Variants in ERC2 observed in about 807,000 individuals in gnomAD.
ERC2 encodes the protein ERC protein 2.
Under a neutral mutation model 114.8 loss-of-function variants are expected in ERC2, and 42 were observed. That is an observed-to-expected ratio of 0.37 (90% CI 0.29 to 0.47). The LOEUF is 0.47. ERC2 is among the 20% of genes least tolerant of loss of function. The pLI, the probability that ERC2 is intolerant of heterozygous loss-of-function variation, is 0.99. For synonymous variants in ERC2, 454 were observed against 425.5 expected (o/e 1.07, Z -0.82); for missense variants, 939 against 1,150.7 (o/e 0.82, Z 2.66).
intron 14 of ERC2, among the ~76,000 whole-genome samples, chr3:55,788,875 C>G (rs1337726852): frequency 6.6e-6 from 1 of 152,218 alleles, no homozygotes; most frequent in Non-Finnish European, 1.5e-5. Flanking sequence ...AGTGCTCATA[C>G]ATGTGTAACC....
intron 17 of ERC2, among the ~76,000 whole-genome samples, chr3:55,579,817 A>C (rs1409956258): frequency 6.6e-6 from 1 of 152,232 alleles, no homozygotes; most frequent in Non-Finnish European, 1.5e-5. Flanking sequence ...TTTGCGTTGA[A>C]GAGCCACAGG....
intron 13 of ERC2, among the ~76,000 whole-genome samples, chr3:55,911,688 T>C (rs1196477074): frequency 3.9e-5 from 6 of 152,230 alleles, no homozygotes; most frequent in African/African-American, 1.2e-4. Context: ...GGTTCTCATA[T>C]GTTAGAGGGA....
chr3:56,378,838 G>A (rs1216778977), intron 2 of ERC2, among the ~76,000 whole-genome samples: 5 of 152,168 alleles, frequency 3.3e-5, no homozygotes, highest in Admixed American at 2.6e-4. Flanking sequence ...GAGGCACTGT[G>A]ATTTGGCAGA....
intron 1 of ERC2, among the ~76,000 whole-genome samples, chr3:56,462,093 C>A (rs1315479067): frequency 6.6e-6 from 1 of 152,110 alleles, no homozygotes; most frequent in Non-Finnish European, 1.5e-5. Flanking sequence ...GGAGCCAGAC[C>A]CAGACCAAAG....
intron 2 of ERC2, among the ~76,000 whole-genome samples, chr3:56,414,234 G>T (rs1449125444): frequency 6.6e-6 from 1 of 152,114 alleles, no homozygotes; most frequent in Non-Finnish European, 1.5e-5. Flanking sequence ...CTTTCCTTTT[G>T]TTCCACTCGA....
At chr3:55,941,470 G>C (rs2066792013) in intron 13 of ERC2, among the ~76,000 whole-genome samples, 2 of 152,104 alleles carry the variant, frequency 1.3e-5, no homozygotes, top group Non-Finnish European at 2.9e-5. Flanking sequence ...CAACTGATAG[G>C]GACTGCTACG....
At chr3:56,287,027 G>T (rs1028679448) in intron 3 of ERC2, among the ~76,000 whole-genome samples, 17 of 152,096 alleles carry the variant, frequency 1.1e-4, no homozygotes, top group African/African-American at 4.1e-4. Context: ...TGCCTTTTTA[G>T]CGCTCTATCC....
intron 14 of ERC2, among the ~76,000 whole-genome samples, chr3:55,835,828 T>C (rs552200189): frequency 3.9e-4 from 60 of 152,076 alleles, no homozygotes; most frequent in Middle Eastern, 3.4e-3. Flanking sequence ...TGTTTGCAGA[T>C]GACATGATTG....
At chr3:55,940,421 A>T (rs2066715076) in intron 13 of ERC2, among the ~76,000 whole-genome samples, 1 of 152,082 alleles carries the variant, frequency 6.6e-6, no homozygotes, top group Non-Finnish European at 1.5e-5. Context: ...CCTGAGGTCC[A>T]AAAGGCCTTC....
In ERC2 at chr3:56,209,846, T is replaced by A. The variant is rs560297410; in HGVS notation, c.1075-36326A>T. Among the ~76,000 whole-genome samples the A allele has an allele frequency of 7.9e-5, 12 of 152,250 alleles. No individual in the cohort carries two copies. The East Asian group carries it at 2.3e-3, about 29-fold the overall frequency. ...GACCATGAAAAATACAACTGAAAGT[T>A]TCATAAAGTCACAGCATTCAGTCCC... On this transcript the variant is annotated intron_variant, in intron 3 of 17. Transcript: ENST00000288221.
chr3:55,718,521 A>G (rs1049790830), intron 15 of ERC2, among the ~76,000 whole-genome samples: 1 of 152,242 alleles, frequency 6.6e-6, no homozygotes, highest in Non-Finnish European at 1.5e-5. Context: ...TGGACCAAAT[A>G]CCAGAAATGT....
intron 8 of ERC2, among the ~76,000 whole-genome samples, chr3:56,013,723 T>G (rs1270524805): frequency 6.6e-6 from 1 of 152,170 alleles, no homozygotes; most frequent in Non-Finnish European, 1.5e-5. Context: ...TGGAAGAGCA[T>G]AGATTTAGTG....
At chr3:55,548,008 G>A (rs1482291435) in intron 17 of ERC2, among the ~76,000 whole-genome samples, 5 of 152,224 alleles carry the variant, frequency 3.3e-5, no homozygotes, top group Non-Finnish European at 7.3e-5. Flanking sequence ...GGTCTAGCCC[G>A]GAGTTGAAGA....
At chr3:55,728,226 C>G (rs75853315) in intron 15 of ERC2, among the ~76,000 whole-genome samples, 8,359 of 152,220 alleles carry the variant, frequency 0.055, 665 homozygotes, top group African/African-American at 0.17. Flanking sequence ...TGAGCAAAAA[C>G]TCATGTTACC....
At chr3:55,793,002 T>C (rs2070173981) in intron 14 of ERC2, among the ~76,000 whole-genome samples, 1 of 152,094 alleles carries the variant, frequency 6.6e-6, no homozygotes, top group South Asian at 2.1e-4. Context: ...CCCTGGGGAG[T>C]ATATAGATTG....
chr3:56,413,660 A>G (rs372345153), intron 2 of ERC2, among the ~76,000 whole-genome samples: 19 of 152,286 alleles, frequency 1.2e-4, no homozygotes, highest in African/African-American at 4.6e-4. Flanking sequence ...TAACAAATTT[A>G]TATTACCTTC....
At chr3:56,454,858 CAGAAAAA>C (rs2062989849) in intron 1 of ERC2, among the ~76,000 whole-genome samples, 1 of 21,640 alleles carries the variant, frequency 4.6e-5, no homozygotes. Context: ...GACTCTGTCT[CAGAAAAA>C]AAAAAAAAAA....
At chr3:56,300,890 G>A (rs1159940121) in intron 2 of ERC2, among the ~76,000 whole-genome samples, 1 of 152,196 alleles carries the variant, frequency 6.6e-6, no homozygotes, top group African/African-American at 2.4e-5. Context: ...AGGATGGGGA[G>A]GGGAGAAGTA....
At chr3:55,846,716 T>C (rs2061386208) in intron 14 of ERC2, among the ~76,000 whole-genome samples, 1 of 151,580 alleles carries the variant, frequency 6.6e-6, no homozygotes, top group African/African-American at 2.4e-5. Flanking sequence ...TCTCTCTCTC[T>C]CTCTGCATTG....
Sources: gnomAD v4.1 joint callset for allele counts (sites outside exome capture counted in the v4.1 genomes callset) on GRCh38, gnomAD v4.1.1 for gene constraint, MANE v1.5 for transcripts, NCBI Gene and HGNC (gene_info 2026-07-23, HGNC 2026-07-21) for gene names.